Variants in ZC3HAV1L observed in about 807,000 individuals in gnomAD.
ZC3HAV1L encodes the protein zinc finger CCCH-type antiviral protein 1-like.
Under a neutral mutation model 28.2 loss-of-function variants are expected in ZC3HAV1L, and 23 were observed. The observed-to-expected ratio is 0.82, with a 90% CI of 0.59 to 1.16. ZC3HAV1L has a LOEUF of 1.16. ZC3HAV1L is among the 50% of genes most tolerant of loss of function. The probability of loss-of-function intolerance (pLI) is 0.00; values close to 1 mark genes in which losing one functional copy is unlikely to be tolerated. For synonymous variants in ZC3HAV1L, 180 were observed against 163.4 expected, an observed-to-expected ratio of 1.10 and a Z score of -0.78; for missense variants, 376 against 387.7, an observed-to-expected ratio of 0.97 and a Z score of 0.25.
chr7:139,027,135 C>A (rs1448967018), intron 3 of ZC3HAV1L, among the ~76,000 whole-genome samples: 1 of 100,368 alleles, frequency 1.0e-5, no homozygotes, highest in Non-Finnish European at 2.1e-5. Context: ...GTTCCCTAAA[C>A]AGCCCGACAC....
At chr7:139,033,995 G>C in intron 2 of ZC3HAV1L, 5 of 985,434 alleles carry the variant, frequency 5.1e-6, no homozygotes, top group Non-Finnish European at 6.0e-6. Flanking sequence ...TGCATGTCAG[G>C]AAGAAACCTG....
intron 2 of ZC3HAV1L, 46 bp from the exon 3 acceptor site, chr7:139,029,006 T>C (rs1211442349): frequency 6.3e-7 from 1 of 1,575,598 alleles, no homozygotes; most frequent in African/African-American, 1.4e-5. Context: ...TTTTTCTTTT[T>C]TTTTTGGCAG....
At chr7:139,021,997 A>G (rs1815256112), downstream of ZC3HAV1L, among the ~76,000 whole-genome samples, 1 of 152,164 alleles carries the variant, frequency 6.6e-6, no homozygotes, top group Non-Finnish European at 1.5e-5. Context: ...ACAGCAACAT[A>G]GATATAAAAC....
At chr7:139,030,522 G>A (rs566812379) in intron 2 of ZC3HAV1L, among the ~76,000 whole-genome samples, 8 of 151,616 alleles carry the variant, frequency 5.3e-5, no homozygotes, top group South Asian at 2.1e-4. Flanking sequence ...GCGACAGAGC[G>A]AGACTCCATT....
downstream of ZC3HAV1L, among the ~76,000 whole-genome samples, chr7:139,025,369 AC>A (rs372163811): frequency 4.1e-3 from 625 of 151,340 alleles, 5 homozygotes; most frequent in African/African-American, 0.015. Flanking sequence ...AACCACTTGA[AC>A]CCAGGAGGCG....
chr7:139,034,545 C>G lies in ZC3HAV1L; in HGVS notation c.499G>C (p.Glu167Gln), dbSNP rs778617763. 1.2e-6 allele frequency: 2 copies of G among 1,614,092 alleles called. No individual in the cohort carries two copies. The highest frequency in any genetic ancestry group is 1.7e-6 in the Non-Finnish European group (2 of 1,179,964). ...AGGGTGACTCCTTGGTGACTCACCT[C>G]TGGTAAAAGACAGGGGTCATTCTGC... is the stretch of plus-strand genomic sequence containing the variant. Reference protein sequence around the residue: ...LLQNDPCLLPEVCLLYNKGEA... With the variant: ...LLQNDPCLLPQVCLLYNKGEA... Residue 167 changes from glutamate (E) to glutamine (Q), a missense_variant and splice_region_variant, in exon 2 of 5, where the codon GAG (glutamate) becomes CAG (glutamine). By Grantham distance (29) the Glu-to-Gln change is conservative. Transcript: ENST00000275766.
At chr7:139,031,820 G>A (rs1265459773) in intron 2 of ZC3HAV1L, among the ~76,000 whole-genome samples, 8 of 152,082 alleles carry the variant, frequency 5.3e-5, no homozygotes, top group Middle Eastern at 3.4e-3. Context: ...CAGGAGAATC[G>A]CTTGAACCAG....
chr7:139,032,007 C>T (rs1488268209), intron 2 of ZC3HAV1L, among the ~76,000 whole-genome samples: 1 of 151,898 alleles, frequency 6.6e-6, no homozygotes, highest in African/African-American at 2.4e-5. Flanking sequence ...CCCAGGAGAT[C>T]GAGGTTGCAG....
At chr7:139,030,093 G>A (rs1365078794) in intron 2 of ZC3HAV1L, among the ~76,000 whole-genome samples, 5 of 152,166 alleles carry the variant, frequency 3.3e-5, no homozygotes, top group Non-Finnish European at 7.3e-5. Flanking sequence ...CTCAGTCCCA[G>A]GCAAATGGGC....
intron 3 of ZC3HAV1L, 93 bp downstream of exon 3, chr7:139,028,609 A>G: frequency 6.8e-7 from 1 of 1,475,770 alleles, no homozygotes; most frequent in Non-Finnish European, 9.1e-7. Context: ...TTGCCCCCAG[A>G]CTCACTTTCA....
At chr7:139,024,025 A>G (rs1203789451), downstream of ZC3HAV1L, among the ~76,000 whole-genome samples, 1 of 152,238 alleles carries the variant, frequency 6.6e-6, no homozygotes. Flanking sequence ...ACATTCAAAA[A>G]TAAGGAAATA....
chr7:139,029,393 G>T (rs1584819306), intron 2 of ZC3HAV1L, among the ~76,000 whole-genome samples: 1 of 152,228 alleles, frequency 6.6e-6, no homozygotes, highest in East Asian at 1.9e-4. Context: ...GATCACCAGT[G>T]GCTGTTAAAA....
At chr7:139,022,493 C>T, downstream of ZC3HAV1L, 1 of 345,900 alleles carries the variant, frequency 2.9e-6, no homozygotes, top group Non-Finnish European at 5.9e-6. Flanking sequence ...CTGCAGGGAG[C>T]TGTAATTGTG....
intron 2 of ZC3HAV1L, among the ~76,000 whole-genome samples, chr7:139,033,101 C>G (rs925800201): frequency 1.3e-5 from 2 of 151,760 alleles, no homozygotes; most frequent in Admixed American, 6.6e-5. Flanking sequence ...CCCAACTATT[C>G]AGGAGACTGA....
chr7:139,031,524 G>T (rs10954639), intron 2 of ZC3HAV1L, among the ~76,000 whole-genome samples: 73,565 of 151,372 alleles, frequency 0.49, 18,304 homozygotes, highest in Non-Finnish European at 0.52. Context: ...AGGCAGAGGT[G>T]GCAATGAGCT....
At chr7:139,022,823 T>C (rs1815271530), downstream of ZC3HAV1L, among the ~76,000 whole-genome samples, 2 of 152,194 alleles carry the variant, frequency 1.3e-5, no homozygotes. Flanking sequence ...ACCTGGCGTT[T>C]TGAAGAATCC....
intron 2 of ZC3HAV1L, among the ~76,000 whole-genome samples, chr7:139,031,587 AAAAC>A (rs1165401234): frequency 1.3e-5 from 2 of 151,458 alleles, no homozygotes; most frequent in Non-Finnish European, 2.9e-5. Flanking sequence ...CTCTGTCTAC[AAAAC>A]AAACAAACAA....
At chr7:139,022,102 G>C (rs993277829), downstream of ZC3HAV1L, among the ~76,000 whole-genome samples, 19 of 152,198 alleles carry the variant, frequency 1.2e-4, no homozygotes, top group African/African-American at 4.3e-4. Flanking sequence ...CAATAATGGA[G>C]ACTAAATCCC....
downstream of ZC3HAV1L, among the ~76,000 whole-genome samples, chr7:139,021,689 G>C (rs1376575510): frequency 6.6e-6 from 1 of 151,964 alleles, no homozygotes; most frequent in Non-Finnish European, 1.5e-5. Context: ...TGTATCAAAA[G>C]ACACCAATTC....
Sources: gnomAD v4.1 joint callset for allele counts (sites outside exome capture counted in the v4.1 genomes callset) on GRCh38, gnomAD v4.1.1 for gene constraint, MANE v1.5 for transcripts, NCBI Gene and HGNC (gene_info 2026-07-23, HGNC 2026-07-21) for gene names.